WDR19: variants seen among roughly 807,000 people sequenced by gnomAD.
WDR19 encodes the protein WD repeat-containing protein 19.
A neutral mutation model predicts 180.0 loss-of-function variants in WDR19; 121 were observed. The observed-to-expected ratio is 0.67, with a 90% confidence interval of 0.58 to 0.78. WDR19 has a LOEUF of 0.78. Ranked by LOEUF, WDR19 falls within the 30% of genes least tolerant of loss-of-function variation. The pLI, the probability that WDR19 is intolerant of heterozygous loss-of-function variation, is 0.00. For missense variants in WDR19, 1,450 were observed against 1,640.7 expected (o/e 0.88, Z 2.01); for synonymous variants, 497 against 540.7 (o/e 0.92, Z 1.12).
At chr4:39,185,184 A>G (rs984186567) in intron 1 of WDR19, among the ~76,000 whole-genome samples, 1 of 152,210 alleles carries the variant, frequency 6.6e-6, no homozygotes, top group Non-Finnish European at 1.5e-5. Flanking sequence ...TTCAAGGAAA[A>G]GAAAGAGTTT....
intron 14 of WDR19, among the ~76,000 whole-genome samples, chr4:39,223,497 A>T (rs1267913770): frequency 4.7e-5 from 7 of 149,326 alleles, no homozygotes; most frequent in Non-Finnish European, 7.5e-5. Context: ...CGCCCAGCAA[A>T]TTTTTGTATT....
At chr4:39,239,099 T>C (rs1450110524) in intron 20 of WDR19, among the ~76,000 whole-genome samples, 1 of 151,998 alleles carries the variant, frequency 6.6e-6, no homozygotes, top group Non-Finnish European at 1.5e-5. Context: ...GCCCTTAGCC[T>C]CCCGAGTAGC....
chr4:39,201,598 A>G (rs1727383735), intron 6 of WDR19, among the ~76,000 whole-genome samples: 1 of 152,188 alleles, frequency 6.6e-6, no homozygotes, highest in South Asian at 2.1e-4. Context: ...TGAAGAAGAA[A>G]GTCGATTCCT....
intron 3 of WDR19, among the ~76,000 whole-genome samples, chr4:39,188,578 C>G (rs1577829116): frequency 6.9e-6 from 1 of 145,844 alleles, no homozygotes; most frequent in East Asian, 2.0e-4. Flanking sequence ...ATAATCGCAC[C>G]ACCGCACTCC....
rs1030527564 is a variant in WDR19, at chr4:39,253,012, A to G, written c.2730-134A>G. On this transcript the variant is annotated intron_variant, in intron 24 of 36. Coordinates refer to ENST00000399820, the MANE Select transcript of WDR19 (RefSeq NM_025132.4). The stretch of plus-strand genomic sequence containing the variant: ...TGGGATGGTTCCTGGTATTTTTCTG[A>G]TAAAGGAAAAAGAAGTTCAGGAAAA... The G allele has an allele frequency of 3.7e-5, 30 of 821,110 alleles. No homozygotes were observed. The South Asian group carries it at 7.4e-4, about 20-fold the overall frequency. 50.9% of individuals were successfully genotyped at this position (821,110 alleles called of 1,614,324 possible).
At position 39,253,211 on chromosome 4, in the gene WDR19, TG is replaced by T; in HGVS notation, c.2797del (p.Asp933IlefsTer25). ...TGGCAAAGTGTAATCCGCATCTATC[TG>T]GATCACCTCAATAATCCTGAAAAAG... The part of the protein sequence containing the change: ...KQWQSVIRIY[L>X]DHLNNPEKAV... On this transcript the variant is annotated frameshift_variant, in exon 25 of 37. Coordinates refer to ENST00000399820, the MANE Select transcript of WDR19 (RefSeq NM_025132.4). LOFTEE classifies it high-confidence loss of function. 2 of 1,613,672 alleles carry T rather than the reference TG, an allele frequency of 1.2e-6. No homozygotes were observed. Among genetic ancestry groups the T allele is most frequent in the Non-Finnish European group, 1.7e-6 (2 of 1,179,744 alleles).
At chr4:39,226,015 G>T (rs1291772085) in intron 15 of WDR19, among the ~76,000 whole-genome samples, 1 of 152,120 alleles carries the variant, frequency 6.6e-6, no homozygotes, top group Non-Finnish European at 1.5e-5. Context: ...GATAAACCTC[G>T]AGTTTCCTCT....
chr4:39,205,556 G>C lies in WDR19; in HGVS notation c.717-7G>C, dbSNP rs760756020. 6.2e-7 allele frequency: 1 copy of C among 1,608,490 alleles called. No homozygotes were observed. Among genetic ancestry groups the C allele is most frequent in the Admixed American group, 1.7e-5 (1 of 59,350 alleles). ...TGTTTACCATATTGTTGCCTTCTTT[G>C]CTATAGGTATGGTGATGGCCGCATC... is the stretch of plus-strand genomic sequence containing the variant. On this transcript the variant is annotated splice_region_variant and splice_polypyrimidine_tract_variant and intron_variant, in intron 8 of 36. Coordinates refer to ENST00000399820, the MANE Select transcript of WDR19 (RefSeq NM_025132.4).
intron 28 of WDR19, among the ~76,000 whole-genome samples, chr4:39,262,038 T>G (rs1734342375): frequency 6.6e-6 from 1 of 152,192 alleles, no homozygotes; most frequent in African/African-American, 2.4e-5. Context: ...TTATCCTTCA[T>G]GGATCATAAA....
intron 25 of WDR19, among the ~76,000 whole-genome samples, chr4:39,253,595 T>G (rs1733464536): frequency 6.6e-6 from 1 of 151,972 alleles, no homozygotes. Context: ...CTGGCCAACA[T>G]GGTGAAACCC....
At chr4:39,220,914 G>A (rs1339206130) in intron 14 of WDR19, among the ~76,000 whole-genome samples, 1 of 118,720 alleles carries the variant, frequency 8.4e-6, no homozygotes, top group Non-Finnish European at 1.7e-5. Flanking sequence ...TAGAAACTGG[G>A]TCTCCCTTTG....
intron 36 of WDR19, among the ~76,000 whole-genome samples, chr4:39,284,474 G>A (rs1736943400): frequency 6.7e-6 from 1 of 149,098 alleles, no homozygotes; most frequent in Non-Finnish European, 1.5e-5. Context: ...AAGTAGCTAT[G>A]ACTACAGGCA....
chr4:39,260,916 A>G (rs1160223151), intron 28 of WDR19, among the ~76,000 whole-genome samples: 1 of 152,210 alleles, frequency 6.6e-6, no homozygotes, highest in Non-Finnish European at 1.5e-5. Context: ...GTATCATTAC[A>G]TGAAGATTGG....
At chr4:39,274,265 T>G (rs1735679827) in intron 32 of WDR19, 1 of 153,336 alleles carries the variant, frequency 6.5e-6, no homozygotes, top group African/African-American at 2.4e-5. Context: ...CATCAAAGTC[T>G]ACCATGCGGG....
At chr4:39,274,769 G>GA (rs1417890013) in intron 32 of WDR19, 39 bp from the exon 33 acceptor site, 1 of 1,600,096 alleles carries the variant, frequency 6.2e-7, no homozygotes, top group East Asian at 2.2e-5. Flanking sequence ...GAGGACAGCA[G>GA]ACACTGTGCT....
At chr4:39,222,326 G>T (rs1729785567) in intron 14 of WDR19, among the ~76,000 whole-genome samples, 1 of 152,078 alleles carries the variant, frequency 6.6e-6, no homozygotes, top group African/African-American at 2.4e-5. Context: ...TTTATCAGAT[G>T]TATGCTTTGC....
At chr4:39,227,633 C>T (rs187336945) in intron 15 of WDR19, among the ~76,000 whole-genome samples, 1 of 152,250 alleles carries the variant, frequency 6.6e-6, no homozygotes, top group Admixed American at 6.5e-5. Flanking sequence ...ACACATATTA[C>T]ACCATTTTAT....
At chr4:39,183,196 T>C (rs570279573) in intron 1 of WDR19, among the ~76,000 whole-genome samples, 3 of 150,308 alleles carry the variant, frequency 2.0e-5, no homozygotes, top group Non-Finnish European at 4.4e-5. Context: ...CACCCCACTT[T>C]CTGATTTATC....
At chr4:39,220,775 TGGGATTACAGGCG>T (rs1450680994) in intron 14 of WDR19, among the ~76,000 whole-genome samples, 2 of 150,930 alleles carry the variant, frequency 1.3e-5, no homozygotes, top group Non-Finnish European at 3.0e-5. Flanking sequence ...CCCAAAGTGC[TGGGATTACAGGCG>T]CAAGGCACCG....
Sources: allele counts gnomAD v4.1 joint callset (sites outside exome capture counted in the v4.1 genomes callset), GRCh38; gene constraint gnomAD v4.1.1; transcripts MANE v1.5; gene names NCBI Gene and HGNC (gene_info 2026-07-23, HGNC 2026-07-21).